NRAP: variants seen among roughly 807,000 people sequenced by gnomAD.
The protein encoded by NRAP is nebulin-related-anchoring protein.
Under a neutral mutation model 225.9 loss-of-function variants are expected in NRAP, and 189 were observed. The observed-to-expected ratio is 0.84, with a 90% CI of 0.74 to 0.94. The LOEUF is 0.94. NRAP is among the 40% of genes least tolerant of loss of function. The pLI, the probability that NRAP is intolerant of heterozygous loss-of-function variation, is 0.00. For synonymous variants in NRAP, 769 were observed against 790.7 expected, an observed-to-expected ratio of 0.97 and a Z score of 0.46; for missense variants, 2,176 against 2,168.7, an observed-to-expected ratio of 1.00 and a Z score of -0.07.
rs781725618 is a variant in NRAP, at chr10:113,604,939, C to A, written c.3916-19G>T. 2.5e-6 allele frequency: 4 copies of A among 1,601,530 alleles called. No individual in the cohort carries two copies. Among genetic ancestry groups the A allele is most frequent in the African/African-American group, 1.3e-5 (1 of 74,562 alleles). ...AGAGAAACTGCAAGAAAGGGCTGGCCGGTCAAATTCTATCTGTGCGTTTTC... is the reference window on the plus strand; with the variant it reads ...AGAGAAACTGCAAGAAAGGGCTGGCAGGTCAAATTCTATCTGTGCGTTTTC... On this transcript the variant is annotated intron_variant, in intron 34 of 41. Coordinates refer to ENST00000359988, the MANE Select transcript of NRAP (RefSeq NM_198060.4).
At position 113,634,015 on chromosome 10, in the gene NRAP, T is replaced by C; in HGVS notation, c.1527+97A>G. ...GGCTGTAATAAGACATGTGTCACAA[T>C]TTATGAAAGTCAAATCCTTGGAGGT... On this transcript the variant is annotated intron_variant, in intron 15 of 41. Transcript: ENST00000359988. 5 of 790,802 alleles carry C rather than the reference T, an allele frequency of 6.3e-6. No homozygotes were observed. In the South Asian group the frequency reaches 7.7e-5, roughly 12 times the overall value. The allele number at this position is 790,802 out of a possible 1,614,324, so 49.0% of individuals were successfully genotyped here.
In NRAP at chr10:113,617,518, A is replaced by G; in HGVS notation, c.2910T>C (p.Phe970=). 2 of 1,612,938 alleles carry G rather than the reference A, an allele frequency of 1.2e-6. No homozygotes were observed. Among genetic ancestry groups the G allele is most frequent in the South Asian group, 2.2e-5 (2 of 91,058 alleles). The change falls in exon 26 of 42, where the codon TTT becomes TTC. Residue 970 remains phenylalanine, a synonymous_variant. Transcript: ENST00000359988. ...TCTCCGGAGTGTCTTTAATACTGGT[A>G]AACTTCAAAGCATCTGGATGCTGAC... is the stretch of plus-strand genomic sequence containing the variant. ...KYRQHPDALK[F]TSIKDTPEMV... is the part of the protein sequence containing the mutation.
Position 113,592,297 on chromosome 10 carries a change from A to G in NRAP, c.4541T>C (p.Val1514Ala), listed in dbSNP as rs750272737. 1.2e-6 allele frequency: 2 copies of G among 1,609,034 alleles called. No individual in the cohort carries two copies. Among genetic ancestry groups the G allele is most frequent in the African/African-American group, 2.7e-5 (2 of 74,804 alleles). Residue 1514 changes from valine to alanine, a missense_variant, in exon 39 of 42, where the codon GTC becomes GCC. This residue lies in a region of NRAP where 445 missense variants were observed against 426.1 expected (regional missense o/e 1.04). Coordinates refer to ENST00000359988, the MANE Select transcript of NRAP (RefSeq NM_198060.4). ...RLNALHLSDK[V>A]YRNSWEQTRA... is the part of the protein sequence containing the mutation. ...GGTCTGCTCCCAGGAGTTTCTGTAGACTTTCTAGATTGGAAAAACAAAAGC... is the reference window on the plus strand; with the variant it reads ...GGTCTGCTCCCAGGAGTTTCTGTAGGCTTTCTAGATTGGAAAAACAAAAGC...
intron 40 of NRAP, 49 bp from the exon 41 acceptor site, chr10:113,589,846 C>T (rs367726303): frequency 2.1e-5 from 33 of 1,589,936 alleles, no homozygotes; most frequent in Admixed American, 1.4e-4. Flanking sequence ...GGGTTTGGAG[C>T]GGTTTGACCA....
chr10:113,606,689 C>T (rs963035822), intron 32 of NRAP, among the ~76,000 whole-genome samples: 2 of 152,170 alleles, frequency 1.3e-5, no homozygotes, highest in South Asian at 2.1e-4. Flanking sequence ...TACTAAAGCC[C>T]CAGGATCCTT....
intron 11 of NRAP, among the ~76,000 whole-genome samples, chr10:113,644,424 C>A (rs1849383112): frequency 6.6e-6 from 1 of 152,174 alleles, no homozygotes; most frequent in African/African-American, 2.4e-5. Context: ...GCTACAAATT[C>A]TTTGTCAATT....
At chr10:113,602,817 G>C (rs996828750) in intron 35 of NRAP, among the ~76,000 whole-genome samples, 1 of 152,076 alleles carries the variant, frequency 6.6e-6, no homozygotes, top group East Asian at 1.9e-4. Flanking sequence ...GTTTCATATA[G>C]ACCAGTTCTC....
At chr10:113,596,293 A>C (rs1846282630) in intron 37 of NRAP, among the ~76,000 whole-genome samples, 1 of 152,252 alleles carries the variant, frequency 6.6e-6, no homozygotes, top group African/African-American at 2.4e-5. Flanking sequence ...GCAGTGATTT[A>C]AGAATTACAA....
At chr10:113,660,957 T>C (rs1418630719) in intron 3 of NRAP, among the ~76,000 whole-genome samples, 2 of 152,120 alleles carry the variant, frequency 1.3e-5, no homozygotes, top group African/African-American at 4.8e-5. Flanking sequence ...ACAATAATAT[T>C]ACAGAAGGTT....
chr10:113,590,993 G>A (rs1004897117), intron 39 of NRAP, 104 bp from the exon 40 acceptor site: 2 of 958,280 alleles, frequency 2.1e-6, no homozygotes, highest in Non-Finnish European at 3.2e-6. Flanking sequence ...AGGCTCAAGA[G>A]TGGGTTAGAG....
At chr10:113,590,425 T>C (rs1000898104) in intron 40 of NRAP, among the ~76,000 whole-genome samples, 153 bp downstream of exon 40, 1 of 152,198 alleles carries the variant, frequency 6.6e-6, no homozygotes, top group South Asian at 2.1e-4. Flanking sequence ...TGGTTATTAT[T>C]GTTATTCTTT....
rs1554867329 is a variant in NRAP at position 113,648,467 on chromosome 10, C to CTA, written c.889-1442_889-1441dup. Among the ~76,000 whole-genome samples the CTA allele has an allele frequency of 1.0e-2, 873 of 87,342 alleles. 14 individuals are homozygous for CTA. Among genetic ancestry groups the CTA allele is most frequent in the Middle Eastern group, 0.016 (2 of 124 alleles). The allele number at this position is 87,342 out of a possible 152,430, so 57.3% of individuals were successfully genotyped here. The stretch of plus-strand genomic sequence containing the variant: ...TCTCTCTCTCTCTCTCTCTCTCTCT[C>CTA]TATATATATATATATATATATATGT... On this transcript the variant is annotated intron_variant, in intron 9 of 41. Coordinates refer to ENST00000359988, the MANE Select transcript of NRAP (RefSeq NM_198060.4).
At position 113,634,192 on chromosome 10, in the gene NRAP, T is replaced by C. The variant is rs1373047387; in HGVS notation, c.1447A>G (p.Ile483Val). Reference protein sequence around the residue: ...PLKDANYRQSIDKLKYSSVTD... With the variant: ...PLKDANYRQSVDKLKYSSVTD... ...ACCGAGCTGTACTTCAACTTGTCGA[T>C]GCTCTGCCTATAATTGGCCTAGGTA... Residue 483 changes from isoleucine (I) to valine (V), a missense_variant, in exon 15 of 42, where the codon ATC (isoleucine) becomes GTC (valine). Physicochemically the swap from Ile to Val is conservative, Grantham distance 29 (BLOSUM62 3). This residue lies in a region of NRAP where 1,708 missense variants were observed against 1,695.5 expected (regional missense o/e 1.01). Coordinates refer to ENST00000359988, the MANE Select transcript of NRAP (RefSeq NM_198060.4). 2 of 1,612,818 alleles carry C rather than the reference T, an allele frequency of 1.2e-6. No individual in the cohort carries two copies. The highest frequency in any genetic ancestry group is 1.7e-5 in the Admixed American group (1 of 60,006).
At chr10:113,602,667 T>C (rs565189510) in intron 35 of NRAP, among the ~76,000 whole-genome samples, 1 of 152,356 alleles carries the variant, frequency 6.6e-6, no homozygotes, top group East Asian at 1.9e-4. Flanking sequence ...GTGTTTAGAA[T>C]ACCCCACTTG....
intron 40 of NRAP, 105 bp from the exon 41 acceptor site, chr10:113,589,902 T>C (rs1182306050): frequency 3.9e-6 from 5 of 1,296,120 alleles, no homozygotes; most frequent in Admixed American, 4.5e-5. Context: ...GAGACTATGT[T>C]GTCTGTCATC....
At chr10:113,615,930 T>G (rs1847638376) in intron 26 of NRAP, 114 bp from the exon 27 acceptor site, 1 of 690,588 alleles carries the variant, frequency 1.4e-6, no homozygotes, top group African/African-American at 1.8e-5. Flanking sequence ...CATAGAGACA[T>G]GATTTCGGGC....
intron 7 of NRAP, among the ~76,000 whole-genome samples, chr10:113,651,118 A>C (rs1849937450): frequency 6.6e-6 from 1 of 152,202 alleles, no homozygotes; most frequent in South Asian, 2.1e-4. Context: ...AATCCAATCT[A>C]AAGTTTTCTC....
chr10:113,624,844 A>G lies in NRAP; in HGVS notation c.2331T>C (p.Asn777=). ...TCTGTACCTCGCTGAGATTTGCAGC[A>G]TTGGCTCGGGCCTGCAGGAAGAGAG... The part of the protein sequence containing the change: ...DEPLFLQARA[N]AANLSEKLYK... Residue 777 remains asparagine (N), a synonymous_variant, in exon 22 of 42, where the codon AAT becomes AAC. Coordinates refer to ENST00000359988, the MANE Select transcript of NRAP (RefSeq NM_198060.4). 6.2e-7 allele frequency: 1 copy of G among 1,613,964 alleles called. No homozygotes were observed.
At chr10:113,653,794 GC>G (rs1850134830) in intron 5 of NRAP, among the ~76,000 whole-genome samples, 2 of 152,062 alleles carry the variant, frequency 1.3e-5, no homozygotes, top group Non-Finnish European at 2.9e-5. Context: ...GCTTCTAGAG[GC>G]CCACACATTT....
Sources: gnomAD v4.1 joint callset for allele counts (sites outside exome capture counted in the v4.1 genomes callset) on GRCh38, gnomAD v4.1.1 for gene constraint, gnomAD v4.1.1 regional missense constraint, MANE v1.5 for transcripts, NCBI Gene and HGNC (gene_info 2026-07-23, HGNC 2026-07-21) for gene names.